MAP3K3: variants seen among roughly 807,000 people sequenced by gnomAD.
MAP3K3 encodes the protein MAP/ERK kinase kinase 3.
Under a neutral mutation model 80.9 loss-of-function variants are expected in MAP3K3, and 12 were observed. The observed-to-expected ratio is 0.15, with a 90% confidence interval of 0.10 to 0.24. The LOEUF is 0.24. Among genes scored for constraint, MAP3K3 ranks in the 10% least tolerant of loss-of-function variants. The probability of loss-of-function intolerance (pLI) is 1.00; values close to 1 mark genes in which losing one functional copy is unlikely to be tolerated. For missense variants in MAP3K3, 596 were observed against 834.7 expected (o/e 0.71, Z 3.52); for synonymous variants, 272 against 307.1 (o/e 0.89, Z 1.19).
Position 63,693,875 on chromosome 17 carries a change from G to T in MAP3K3, c.*98G>T. On this transcript the variant is annotated 3_prime_UTR_variant, in exon 16 of 16. Transcript: ENST00000361733. The surrounding 1 kb of genome is among the most constrained non-coding windows in gnomAD (Gnocchi z 4.2). ...TGCTGCTTCTCCCAGGCAAGGCTGT[G>T]GACCATGGAGTGGCAGCCCAGCCAG... The T allele has an allele frequency of 9.2e-7, 1 of 1,091,606 alleles. No homozygotes were observed. The highest frequency in any genetic ancestry group is 1.3e-6 in the Non-Finnish European group (1 of 764,236). The allele number at this position is 1,091,606 out of a possible 1,614,324, so 67.6% of individuals were successfully genotyped here. A position where few individuals can be genotyped will look rare whatever the true frequency, so the allele number is the denominator to read the frequency against.
intron 4 of MAP3K3, among the ~76,000 whole-genome samples, chr17:63,656,974 G>T (rs887592165): frequency 6.6e-6 from 1 of 152,098 alleles, no homozygotes; most frequent in Non-Finnish European, 1.5e-5. Flanking sequence ...AAGCAAAGGG[G>T]GAAAAGCTCC....
rs1364104219 is a variant in MAP3K3, at chr17:63,692,634, GAAA to G, written c.1652+217_1652+219del. On this transcript the variant is annotated intron_variant, in intron 15 of 15. Coordinates refer to ENST00000361733, the MANE Select transcript of MAP3K3 (RefSeq NM_002401.5). This position sits in a 1 kb window ranked among gnomAD's most constrained non-coding sequence, Gnocchi z 4.5. ...ATTAGAGCTGGGAACTTAGGCCATG[GAAA>G]ACATCCCTCATGTTTGCTAAATCTC... 2.0e-5 allele frequency among the ~76,000 whole-genome samples: 3 copies of G among 152,350 alleles called. No homozygotes were observed. In the East Asian group the frequency reaches 5.8e-4, roughly 29 times the overall value.
At chr17:63,684,987 C>T (rs2035417802) in intron 7 of MAP3K3, among the ~76,000 whole-genome samples, 1 of 152,136 alleles carries the variant, frequency 6.6e-6, no homozygotes, top group Non-Finnish European at 1.5e-5. Context: ...ATATCTATTA[C>T]CTCTGCATTG....
chr17:63,647,222 G>A (rs978184920), intron 3 of MAP3K3, among the ~76,000 whole-genome samples: 1 of 152,162 alleles, frequency 6.6e-6, no homozygotes, highest in Non-Finnish European at 1.5e-5. Flanking sequence ...GCAGAGCCAG[G>A]GTCCTTCTGC....
intron 4 of MAP3K3, among the ~76,000 whole-genome samples, chr17:63,655,459 A>G (rs191135717): frequency 1.0e-3 from 157 of 152,246 alleles, no homozygotes; most frequent in Non-Finnish European, 3.8e-4. Context: ...TAGCCATCCT[A>G]GTAGGTGTAA....
intron 2 of MAP3K3, among the ~76,000 whole-genome samples, chr17:63,636,422 G>A (rs539258221): frequency 1.3e-5 from 2 of 152,154 alleles, no homozygotes; most frequent in East Asian, 1.9e-4. Flanking sequence ...GGTTAGAGCT[G>A]ACTGAATATT....
At chr17:63,669,380 C>T (rs907185629) in intron 6 of MAP3K3, among the ~76,000 whole-genome samples, 3 of 152,120 alleles carry the variant, frequency 2.0e-5, no homozygotes, top group African/African-American at 7.2e-5. Flanking sequence ...AAGGGACTCT[C>T]AGCTGCACTC....
At chr17:63,633,423 A>T (rs911054121) in intron 2 of MAP3K3, among the ~76,000 whole-genome samples, 1 of 152,210 alleles carries the variant, frequency 6.6e-6, no homozygotes, top group Admixed American at 6.5e-5. Flanking sequence ...CTTACAGTAT[A>T]TAGTCAGGAA....
intron 3 of MAP3K3, among the ~76,000 whole-genome samples, chr17:63,649,303 G>A (rs145743099): frequency 6.6e-6 from 1 of 151,982 alleles, no homozygotes; most frequent in African/African-American, 2.4e-5. Context: ...TGGGTGTGGT[G>A]GTGCACACCT....
Position 63,691,892 on chromosome 17 carries a change from C to T in MAP3K3, c.1474+30C>T, listed in dbSNP as rs2035599951. The T allele has an allele frequency of 1.9e-6, 3 of 1,606,492 alleles. No individual in the cohort carries two copies. The highest frequency in any genetic ancestry group is 2.2e-5 in the East Asian group (1 of 44,682). ...GCAGGGCCAGGATACATGGAGTCCCCAGGACCTGGGTTCAAGTCTACCATT... is the reference window on the plus strand; with the variant it reads ...GCAGGGCCAGGATACATGGAGTCCCTAGGACCTGGGTTCAAGTCTACCATT... On this transcript the variant is annotated intron_variant, in intron 14 of 15. Transcript: ENST00000361733. This position sits in a 1 kb window ranked among gnomAD's most constrained non-coding sequence, Gnocchi z 4.8.
rs1367423765 is a variant in MAP3K3 at position 63,632,666 on chromosome 17, T to C, written c.5-15T>C. The C allele has an allele frequency of 1.9e-6, 3 of 1,613,560 alleles. No individual in the cohort carries two copies. The highest frequency in any genetic ancestry group is 1.1e-5 in the South Asian group (1 of 91,088). Reference sequence around the variant, plus strand: ...TATTTAAGTGTCTTAGTCCATGTGCTCTCTTTCATTGCAGACGAACAGGAG... The same window carrying C: ...TATTTAAGTGTCTTAGTCCATGTGCCCTCTTTCATTGCAGACGAACAGGAG... On this transcript the variant is annotated splice_polypyrimidine_tract_variant and intron_variant, in intron 1 of 15. Transcript: ENST00000361733.
chr17:63,633,539 G>A (rs774139742), intron 2 of MAP3K3, among the ~76,000 whole-genome samples: 7 of 152,160 alleles, frequency 4.6e-5, no homozygotes, highest in Non-Finnish European at 8.8e-5. Context: ...GAGTGATTTT[G>A]TTATTACTGT....
chr17:63,635,458 G>C (rs2143202929), intron 2 of MAP3K3, among the ~76,000 whole-genome samples: 1 of 152,334 alleles, frequency 6.6e-6, no homozygotes, highest in South Asian at 2.1e-4. Flanking sequence ...TCCTCTTAAT[G>C]AAGTCAAGGT....
intron 2 of MAP3K3, chr17:63,637,032 G>T: frequency 1.8e-6 from 1 of 550,936 alleles, no homozygotes. Flanking sequence ...GACAAGGTGG[G>T]GACAAACTTT....
chr17:63,679,217 G>GCA (rs199506647), intron 6 of MAP3K3, among the ~76,000 whole-genome samples: 112 of 151,686 alleles, frequency 7.4e-4, no homozygotes, highest in African/African-American at 2.2e-3. Flanking sequence ...TCCTAAAAGT[G>GCA]CACACACACA....
Position 63,696,285 on chromosome 17 carries a change from C to A in MAP3K3, c.*2508C>A, listed in dbSNP as rs2035691534. ...CCAGGCCAGTGTTGCGCATTACTTA[C>A]AATAAAAGGGATCATTTATATCAGA... On this transcript the variant is annotated 3_prime_UTR_variant, in exon 16 of 16. Transcript: ENST00000361733. 1 of 152,604 alleles carries A rather than the reference C, an allele frequency of 6.6e-6. No individual in the cohort carries two copies. The highest frequency in any genetic ancestry group is 6.5e-5 in the Admixed American group (1 of 15,268). 9.5% of individuals were successfully genotyped at this position (152,604 alleles called of 1,614,324 possible).
intron 6 of MAP3K3, among the ~76,000 whole-genome samples, chr17:63,667,346 C>T (rs115609820): frequency 6.6e-6 from 1 of 152,164 alleles, no homozygotes; most frequent in East Asian, 1.9e-4. Flanking sequence ...TTGAAGACTT[C>T]CAGCTGTGTT....
Position 63,693,744 on chromosome 17 carries a change from G to A in MAP3K3, c.1848G>A (p.Leu616=). 2 of 1,601,864 alleles carry A rather than the reference G, an allele frequency of 1.2e-6. No homozygotes were observed. Among genetic ancestry groups the A allele is most frequent in the Non-Finnish European group, 1.7e-6 (2 of 1,172,566 alleles). Residue 616 remains leucine (L), a synonymous_variant, in exon 16 of 16, where the codon CTG becomes CTA. Transcript: ENST00000361733. The surrounding 1 kb of genome is among the most constrained non-coding windows in gnomAD (Gnocchi z 4.2). ...GCCAGAGACCTTCAGCTGAGGAGCT[G>A]CTCACACACCACTTTGCACAGCTCA... ...EARQRPSAEE[L]LTHHFAQLMY
chr17:63,656,564 C>T (rs1460589829), intron 4 of MAP3K3, among the ~76,000 whole-genome samples: 3 of 152,040 alleles, frequency 2.0e-5, no homozygotes, highest in African/African-American at 7.2e-5. Context: ...GTGATTGTGC[C>T]ACTGCACTCC....
Sources: gnomAD v4.1 joint callset for allele counts (sites outside exome capture counted in the v4.1 genomes callset) on GRCh38, gnomAD v4.1.1 for gene constraint, Gnocchi (gnomAD v3.1) non-coding constraint, MANE v1.5 for transcripts, NCBI Gene and HGNC (gene_info 2026-07-23, HGNC 2026-07-21) for gene names.